ARMC2: variants seen among roughly 807,000 people sequenced by gnomAD.
The protein encoded by ARMC2 is armadillo repeat containing 2.
In ARMC2, 67 loss-of-function variants were observed where a neutral mutation model predicts 90.3. The ratio of observed to expected loss-of-function variants is 0.74; its 90% CI spans 0.61 to 0.91. ARMC2 has a LOEUF of 0.91. Ranked by LOEUF, ARMC2 falls within the 40% of genes least tolerant of loss-of-function variation. ARMC2 has a pLI of 0.00. For synonymous variants in ARMC2, 393 were observed against 393.0 expected (o/e 1.00, Z 0.00); for missense variants, 920 against 1,030.9 (o/e 0.89, Z 1.47).
chr6:108,885,524 A>G (rs185559002), intron 5 of ARMC2, among the ~76,000 whole-genome samples: 2 of 152,144 alleles, frequency 1.3e-5, no homozygotes, highest in Admixed American at 1.3e-4. Context: ...TCACATTTCT[A>G]CCAAAAATAC....
rs188552249 is a variant in ARMC2, at chr6:108,882,198, A to G, written c.671+5848A>G. ...ACGCCTGTAATCCCAACACTTTGGG[A>G]GGCCGAGGCGGGCAGATCATGAGGT... On this transcript the variant is annotated intron_variant, in intron 5 of 17. Transcript: ENST00000392644. Among the ~76,000 whole-genome samples, 434 of 152,154 alleles carry G rather than the reference A, an allele frequency of 2.9e-3. 1 individual carries two copies. The highest frequency in any genetic ancestry group is 0.01 in the African/African-American group (417 of 41,544).
intron 13 of ARMC2, 142 bp from the exon 14 acceptor site, chr6:108,961,429 TG>T: frequency 1.3e-6 from 1 of 769,974 alleles, no homozygotes; most frequent in Non-Finnish European, 1.9e-6. Context: ...GGAAATCAAG[TG>T]GTAAAGGTGC....
chr6:108,908,324 C>G (rs1299180485), intron 8 of ARMC2, among the ~76,000 whole-genome samples: 1 of 152,188 alleles, frequency 6.6e-6, no homozygotes, highest in Non-Finnish European at 1.5e-5. Flanking sequence ...GGCAGTGCTC[C>G]CCTCCCCAGG....
chr6:108,931,826 T>C (rs1323382440), intron 11 of ARMC2, among the ~76,000 whole-genome samples: 1 of 151,760 alleles, frequency 6.6e-6, no homozygotes, highest in Non-Finnish European at 1.5e-5. Flanking sequence ...TGCAATGGCA[T>C]GATCTCGGCT....
the ARMC2 span, among the ~76,000 whole-genome samples, chr6:109,007,782 G>A: frequency 7.6e-6 from 1 of 131,268 alleles, no homozygotes; most frequent in African/African-American, 3.0e-5. Flanking sequence ...GAAAGTCCAG[G>A]TACTTTTTTT....
chr6:109,041,152 AC>A, the ARMC2 span, among the ~76,000 whole-genome samples: 102 of 149,234 alleles, frequency 6.8e-4, no homozygotes, highest in African/African-American at 2.3e-3. Context: ...AAAAAAAAAA[AC>A]AAACCAAAAC....
chr6:108,958,567 G>A (rs909514811), intron 13 of ARMC2, among the ~76,000 whole-genome samples: 2 of 152,120 alleles, frequency 1.3e-5, no homozygotes, highest in African/African-American at 2.4e-5. Context: ...ACAAGCTAAC[G>A]AATTCTCCTA....
chr6:108,917,922 C>A (rs1774136052), intron 10 of ARMC2, among the ~76,000 whole-genome samples: 1 of 152,142 alleles, frequency 6.6e-6, no homozygotes, highest in Non-Finnish European at 1.5e-5. Context: ...CTCAAGTGAT[C>A]CACCCACCTC....
At chr6:108,997,380 T>G in the ARMC2 span, among the ~76,000 whole-genome samples, 2 of 152,196 alleles carry the variant, frequency 1.3e-5, no homozygotes, top group Admixed American at 6.5e-5. Context: ...CTGCCAAGCT[T>G]TGAAAAATAA....
intron 16 of ARMC2, 136 bp downstream of exon 16, chr6:108,964,448 A>T (rs557137360): frequency 9.5e-7 from 1 of 1,051,398 alleles, no homozygotes; most frequent in African/African-American, 1.6e-5. Context: ...GAGGCTAAAG[A>T]GGGGGTTTAG....
the ARMC2 span, among the ~76,000 whole-genome samples, chr6:109,051,855 G>T: frequency 1.3e-5 from 2 of 152,138 alleles, no homozygotes; most frequent in Non-Finnish European, 2.9e-5. Flanking sequence ...GTCGAACAAA[G>T]GCAAGTTAGC....
chr6:108,961,462 A>G (rs1437214557), intron 13 of ARMC2, 110 bp from the exon 14 acceptor site: 1 of 1,231,906 alleles, frequency 8.1e-7, no homozygotes, highest in African/African-American at 1.5e-5. Context: ...CTTTGTAGGG[A>G]CCCTGCGTGA....
At chr6:108,983,211 C>A in the ARMC2 span, among the ~76,000 whole-genome samples, 12 of 152,190 alleles carry the variant, frequency 7.9e-5, no homozygotes, top group Admixed American at 3.9e-4. Flanking sequence ...TAAATATTTT[C>A]TCCTATCCCA....
the ARMC2 span, among the ~76,000 whole-genome samples, chr6:108,989,646 T>A: frequency 4.0e-5 from 6 of 151,774 alleles, no homozygotes; most frequent in South Asian, 1.2e-3. Context: ...TATAAATAAA[T>A]AAAATAAAAA....
chr6:108,912,461 G>T lies in ARMC2; in HGVS notation c.1253G>T (p.Gly418Val), dbSNP rs370277872. 4.5e-5 allele frequency: 73 copies of T among 1,613,854 alleles called. No individual in the cohort carries two copies. Among genetic ancestry groups the T allele is most frequent in the Middle Eastern group, 3.3e-4 (2 of 6,060 alleles). ...LGFLNEMISK[G>V]AVEILINLIK... is the part of the protein sequence containing the mutation. ...TTTCTTAATGAAATGATCAGCAAAG[G>T]TGCTGTGGAAATACTGATAAATTTG... Residue 418 changes from glycine to valine, a missense_variant, in exon 10 of 18, where the codon GGT becomes GTT. By Grantham distance (109) the Gly-to-Val change is moderately radical. Transcript: ENST00000392644.
At chr6:109,035,003 T>G in the ARMC2 span, among the ~76,000 whole-genome samples, 1 of 152,212 alleles carries the variant, frequency 6.6e-6, no homozygotes, top group South Asian at 2.1e-4. Flanking sequence ...AATCTGAATT[T>G]CAATTTCACT....
chr6:108,960,357 TCTC>T (rs1234868525), intron 13 of ARMC2, among the ~76,000 whole-genome samples: 1 of 152,198 alleles, frequency 6.6e-6, no homozygotes, highest in Non-Finnish European at 1.5e-5. Context: ...CCCTGCCTCT[TCTC>T]ATCCTCACAC....
At chr6:108,995,524 A>G in the ARMC2 span, among the ~76,000 whole-genome samples, 1 of 152,214 alleles carries the variant, frequency 6.6e-6, no homozygotes, top group Non-Finnish European at 1.5e-5. Context: ...GTGGTTTTGC[A>G]CTAGTCAAAC....
intron 8 of ARMC2, 64 bp from the exon 9 acceptor site, chr6:108,910,835 A>T: frequency 2.5e-6 from 2 of 791,510 alleles, no homozygotes; most frequent in Non-Finnish European, 3.8e-6. Context: ...GATGTGGTTT[A>T]TTTTTTTTAA....
Sources: gnomAD v4.1 joint callset for allele counts (sites outside exome capture counted in the v4.1 genomes callset) on GRCh38, gnomAD v4.1.1 for gene constraint, MANE v1.5 for transcripts, NCBI Gene and HGNC (gene_info 2026-07-23, HGNC 2026-07-21) for gene names.